The following PLEKHF2 variants were observed in gnomAD, a reference collection of about 807,000 sequenced individuals.
PLEKHF2 encodes pleckstrin homology domain-containing family F member 2.
A neutral mutation model predicts 14.7 loss-of-function variants in PLEKHF2; 4 were observed. The observed-to-expected ratio is 0.27, with a 90% CI of 0.13 to 0.62. The LOEUF is 0.62. PLEKHF2 is among the 20% of genes least tolerant of loss of function. The pLI is 0.85. For missense variants in PLEKHF2, 201 were observed against 307.7 expected, an observed-to-expected ratio of 0.65 and a Z score of 2.60; for synonymous variants, 90 against 103.5, an observed-to-expected ratio of 0.87 and a Z score of 0.79.
chr8:95,154,293 A>C lies in PLEKHF2; in HGVS notation c.249A>C (p.Glu83Asp). ...ACAAACAACATATTATTCCCCTGGA[A>C]AATGTCACTATTGATTCCATCAAAG... ...KYNKQHIIPL[E>D]NVTIDSIKDE... The change falls in exon 2 of 2, where the codon GAA (glutamate) becomes GAC (aspartate). Residue 83 changes from glutamate to aspartate, a missense_variant. Coordinates refer to ENST00000315367, the MANE Select transcript of PLEKHF2 (RefSeq NM_024613.4). The surrounding 1 kb of genome is among the most constrained non-coding windows in gnomAD (Gnocchi z 5.6). 6.2e-7 allele frequency: 1 copy of C among 1,614,086 alleles called. No homozygotes were observed. The highest frequency in any genetic ancestry group is 2.2e-5 in the East Asian group (1 of 44,890).
intron 1 of PLEKHF2, among the ~76,000 whole-genome samples, chr8:95,146,463 A>G (rs368138542): frequency 4.0e-5 from 6 of 151,786 alleles, no homozygotes; most frequent in African/African-American, 1.4e-4. Context: ...AAGACATAGT[A>G]GTCTATGACA....
At position 95,154,942 on chromosome 8, in the gene PLEKHF2, A is replaced by G; in HGVS notation, c.*148A>G. ...ACCTATGTGCCTCAATATATTCCAT[A>G]GAAAGTAGGTCCCCCTGCCTTCTCC... On this transcript the variant is annotated 3_prime_UTR_variant, in exon 2 of 2. Transcript: ENST00000315367. This position sits in a 1 kb window ranked among gnomAD's most constrained non-coding sequence, Gnocchi z 5.6. 2.2e-6 allele frequency: 2 copies of G among 926,872 alleles called. No homozygotes were observed. The highest frequency in any genetic ancestry group is 3.2e-6 in the Non-Finnish European group (2 of 619,580). 57.4% of individuals were successfully genotyped at this position (926,872 alleles called of 1,614,324 possible). A position where few individuals can be genotyped will look rare whatever the true frequency, so the allele number is the denominator to read the frequency against.
intron 1 of PLEKHF2, among the ~76,000 whole-genome samples, chr8:95,139,992 T>G (rs1258697943): frequency 6.6e-6 from 1 of 152,202 alleles, no homozygotes; most frequent in Non-Finnish European, 1.5e-5. Flanking sequence ...CCCCAAAGTT[T>G]AGTCCTCTGC....
intron 1 of PLEKHF2, among the ~76,000 whole-genome samples, chr8:95,145,034 C>T (rs1316438056): frequency 6.6e-6 from 1 of 152,054 alleles, no homozygotes; most frequent in Non-Finnish European, 1.5e-5. Flanking sequence ...CTATTATGCA[C>T]ATGTGTGGGT....
chr8:95,154,646 T>C lies in PLEKHF2; in HGVS notation c.602T>C (p.Val201Ala). 1 of 1,614,150 alleles carries C rather than the reference T, an allele frequency of 6.2e-7. No individual in the cohort carries two copies. Among genetic ancestry groups the C allele is most frequent in the Non-Finnish European group, 8.5e-7 (1 of 1,179,996 alleles). ...FLLPSQSSKP[V>A]RICDFCYDLL... is the part of the protein sequence containing the mutation. ...CTTCCCAGCCAGTCCTCTAAGCCTG[T>C]GCGGATTTGTGACTTCTGCTATGAC... Residue 201 changes from valine (V) to alanine (A), a missense_variant, in exon 2 of 2, where the codon GTG becomes GCG. Val to Ala is a moderately conservative substitution (Grantham distance 64). Coordinates refer to ENST00000315367, the MANE Select transcript of PLEKHF2 (RefSeq NM_024613.4). The surrounding 1 kb of genome is among the most constrained non-coding windows in gnomAD (Gnocchi z 5.6).
In PLEKHF2 at chr8:95,138,709, A is replaced by G. The variant is rs1401005233; in HGVS notation, c.-15+4679A>G. On this transcript the variant is annotated intron_variant, in intron 1 of 1. Coordinates refer to ENST00000315367, the MANE Select transcript of PLEKHF2 (RefSeq NM_024613.4). The stretch of plus-strand genomic sequence containing the variant: ...GCTTATACTATATGTGCTATTTAGA[A>G]ACTTTTATTTAATAAAATGCTTTAA... 2.0e-5 allele frequency among the ~76,000 whole-genome samples: 3 copies of G among 152,156 alleles called. No homozygotes were observed. In the East Asian group the frequency reaches 5.8e-4, roughly 29 times the overall value.
Position 95,148,487 on chromosome 8 carries a change from T to G in PLEKHF2, c.-14-5544T>G, listed in dbSNP as rs534116890. On this transcript the variant is annotated intron_variant, in intron 1 of 1. Coordinates refer to ENST00000315367, the MANE Select transcript of PLEKHF2 (RefSeq NM_024613.4). Reference sequence around the variant, plus strand: ...AGCTACCAGATACAAGGTACTGACATAAGAATTATGAAACAGATTAATGGA... The same window carrying G: ...AGCTACCAGATACAAGGTACTGACAGAAGAATTATGAAACAGATTAATGGA... 7.2e-5 allele frequency among the ~76,000 whole-genome samples: 11 copies of G among 152,140 alleles called. No individual in the cohort carries two copies. In the South Asian group the frequency reaches 2.3e-3, roughly 32 times the overall value.
At chr8:95,143,430 A>G (rs1300507444) in intron 1 of PLEKHF2, among the ~76,000 whole-genome samples, 1 of 152,132 alleles carries the variant, frequency 6.6e-6, no homozygotes, top group Non-Finnish European at 1.5e-5. Context: ...GAACCTCCAC[A>G]TCTGTTGGGA....
rs377562662 is a variant in PLEKHF2 at position 95,152,915 on chromosome 8, G to A, written c.-14-1116G>A. Among the ~76,000 whole-genome samples the A allele has an allele frequency of 3.8e-4, 58 of 152,254 alleles. 1 individual carries two copies. Among genetic ancestry groups the A allele is most frequent in the African/African-American group, 1.3e-3 (55 of 41,566 alleles). ...TGTTCTTTAATATGACTTGGTTATA[G>A]TATAGTAGTATTAGTTTAGTAGGTT... On this transcript the variant is annotated intron_variant, in intron 1 of 1. Transcript: ENST00000315367.
chr8:95,144,017 G>T (rs982266899), intron 1 of PLEKHF2, among the ~76,000 whole-genome samples: 9 of 151,482 alleles, frequency 5.9e-5, no homozygotes, highest in African/African-American at 9.8e-5. Context: ...GAGATTTTTT[G>T]TGTGTGTGAT....
chr8:95,140,853 G>C (rs1457567672), intron 1 of PLEKHF2, among the ~76,000 whole-genome samples: 1 of 152,084 alleles, frequency 6.6e-6, no homozygotes, highest in African/African-American at 2.4e-5. Context: ...TTCCTCTGCT[G>C]TTTTAGACTT....
In PLEKHF2 at chr8:95,152,279, A is replaced by G. The variant is rs183508991; in HGVS notation, c.-14-1752A>G. ...TTGATGGCTATTTGGAGCTTTTCCA[A>G]TTGTTTTCCTGTTATAAACAATGCT... On this transcript the variant is annotated intron_variant, in intron 1 of 1. Coordinates refer to ENST00000315367, the MANE Select transcript of PLEKHF2 (RefSeq NM_024613.4). Among the ~76,000 whole-genome samples, 485 of 152,104 alleles carry G rather than the reference A, an allele frequency of 3.2e-3. 12 individuals carry two copies. The highest frequency in any genetic ancestry group is 0.026 in the Admixed American group (403 of 15,244).
At chr8:95,150,954 T>C (rs1167093923) in intron 1 of PLEKHF2, among the ~76,000 whole-genome samples, 2 of 152,160 alleles carry the variant, frequency 1.3e-5, no homozygotes, top group African/African-American at 4.8e-5. Flanking sequence ...AAAATGGAGC[T>C]AATAGTGCAT....
At chr8:95,137,249 G>A (rs1336629617) in intron 1 of PLEKHF2, among the ~76,000 whole-genome samples, 2 of 152,174 alleles carry the variant, frequency 1.3e-5, no homozygotes, top group African/African-American at 4.8e-5. Context: ...TTTGTGGAAG[G>A]GCCTGGAATA....
Position 95,154,938 on chromosome 8 carries a change from C to T in PLEKHF2, c.*144C>T. On this transcript the variant is annotated 3_prime_UTR_variant, in exon 2 of 2. Transcript: ENST00000315367. This position sits in a 1 kb window ranked among gnomAD's most constrained non-coding sequence, Gnocchi z 5.6. ...TGTAACCTATGTGCCTCAATATATTCCATAGAAAGTAGGTCCCCCTGCCTT... is the reference window on the plus strand; with the variant it reads ...TGTAACCTATGTGCCTCAATATATTTCATAGAAAGTAGGTCCCCCTGCCTT... 1.0e-6 allele frequency: 1 copy of T among 985,898 alleles called. No homozygotes were observed. The highest frequency in any genetic ancestry group is 1.5e-6 in the Non-Finnish European group (1 of 671,932). The allele number at this position is 985,898 out of a possible 1,614,324, so 61.1% of individuals were successfully genotyped here.
chr8:95,137,928 T>C (rs1448281589), intron 1 of PLEKHF2, among the ~76,000 whole-genome samples: 1 of 152,200 alleles, frequency 6.6e-6, no homozygotes, highest in East Asian at 1.9e-4. Flanking sequence ...TTAAGCAGCT[T>C]TTTGTCCTTA....
intron 1 of PLEKHF2, among the ~76,000 whole-genome samples, chr8:95,153,549 C>T (rs570466670): frequency 6.6e-6 from 1 of 152,274 alleles, no homozygotes; most frequent in African/African-American, 2.4e-5. Flanking sequence ...GGCCAGGACA[C>T]ATGTTGGGAA....
intron 1 of PLEKHF2, among the ~76,000 whole-genome samples, chr8:95,150,696 T>C (rs1810548208): frequency 6.6e-6 from 1 of 152,144 alleles, no homozygotes; most frequent in Non-Finnish European, 1.5e-5. Flanking sequence ...TCATGACATA[T>C]CCATCCTTTC....
chr8:95,139,061 A>C (rs1407305777), intron 1 of PLEKHF2, among the ~76,000 whole-genome samples: 1 of 152,226 alleles, frequency 6.6e-6, no homozygotes, highest in African/African-American at 2.4e-5. Context: ...TAATATATGA[A>C]TATCATTTTA....
Sources: gnomAD v4.1 joint callset for allele counts (sites outside exome capture counted in the v4.1 genomes callset) on GRCh38, gnomAD v4.1.1 for gene constraint, Gnocchi (gnomAD v3.1) non-coding constraint, MANE v1.5 for transcripts, NCBI Gene and HGNC (gene_info 2026-07-23, HGNC 2026-07-21) for gene names.